CDC37: variants seen among roughly 807,000 people sequenced by gnomAD.
The protein encoded by CDC37 is hsp90 co-chaperone Cdc37.
CDC37 carries 9 observed loss-of-function variants against 46.9 expected under a neutral mutation model. That is an observed-to-expected ratio of 0.19 (90% CI 0.12 to 0.33). The LOEUF (loss-of-function observed/expected upper bound fraction) is 0.33, where lower values mean the gene tolerates loss of function less well. CDC37 is among the 10% of genes least tolerant of loss of function. The probability of loss-of-function intolerance (pLI) is 1.00; values close to 1 mark genes in which losing one functional copy is unlikely to be tolerated. For missense variants in CDC37, 388 were observed against 514.6 expected, an observed-to-expected ratio of 0.75 and a Z score of 2.38; for synonymous variants, 193 against 191.0, an observed-to-expected ratio of 1.01 and a Z score of -0.09.
intron 2 of CDC37, 118 bp downstream of exon 2, chr19:10,395,808 CCA>C: frequency 9.0e-7 from 1 of 1,113,476 alleles, no homozygotes; most frequent in Non-Finnish European, 1.3e-6. Flanking sequence ...CCGCCCCCCA[CCA>C]CACTCTTCAA....
intron 1 of CDC37, among the ~76,000 whole-genome samples, chr19:10,401,282 G>A (rs142332869): frequency 2.6e-5 from 4 of 152,320 alleles, no homozygotes; most frequent in Non-Finnish European, 4.4e-5. Context: ...GGTGGGGCTA[G>A]GATTGGAACC....
At position 10,391,405 on chromosome 19, in the gene CDC37, G is replaced by A. The variant is rs1274448148; in HGVS notation, c.*146C>T. Reference sequence around the variant, plus strand: ...CGCTGGAGAGTGGAGACAGTGGAGAGGCCAGGGAGGGCTGGGCGGGCCCCC... The same window carrying A: ...CGCTGGAGAGTGGAGACAGTGGAGAAGCCAGGGAGGGCTGGGCGGGCCCCC... On this transcript the variant is annotated 3_prime_UTR_variant, in exon 8 of 8. Transcript: ENST00000222005. The A allele has an allele frequency of 1.4e-5, 13 of 902,938 alleles. No individual in the cohort carries two copies. In the East Asian group the frequency reaches 2.2e-4, roughly 15 times the overall value. 55.9% of individuals were successfully genotyped at this position (902,938 alleles called of 1,614,324 possible).
rs558125046 is a variant in CDC37 at position 10,394,686 on chromosome 19, A to G, written c.726+335T>C. 3.5e-4 allele frequency among the ~76,000 whole-genome samples: 53 copies of G among 151,834 alleles called. No individual in the cohort carries two copies. The South Asian group carries it at 0.011, about 32-fold the overall frequency. Reference sequence around the variant, plus strand: ...CGAGTAGCTGGGATTACAGGCACACACCACCATGCCCGGCTAATTTTGTAT... The same window carrying G: ...CGAGTAGCTGGGATTACAGGCACACGCCACCATGCCCGGCTAATTTTGTAT... On this transcript the variant is annotated intron_variant, in intron 5 of 7. Transcript: ENST00000222005.
chr19:10,399,498 C>T (rs1166135417), intron 1 of CDC37, among the ~76,000 whole-genome samples: 2 of 143,674 alleles, frequency 1.4e-5, no homozygotes, highest in African/African-American at 5.1e-5. Context: ...AGCTATACCT[C>T]ATGAGATAAA....
At chr19:10,401,560 T>C (rs1176205698) in intron 1 of CDC37, among the ~76,000 whole-genome samples, 2 of 152,210 alleles carry the variant, frequency 1.3e-5, no homozygotes, top group African/African-American at 4.8e-5. Flanking sequence ...GAGGAAGTCT[T>C]AAATATTTCA....
At position 10,396,251 on chromosome 19, in the gene CDC37, ACCCCCG is replaced by A. The variant is rs2042491847; in HGVS notation, c.103-54_103-49del. The A allele has an allele frequency of 6.4e-7, 1 of 1,571,492 alleles. No individual in the cohort carries two copies. The highest frequency in any genetic ancestry group is 1.4e-5 in the African/African-American group (1 of 73,492). On this transcript the variant is annotated intron_variant, in intron 1 of 7. Transcript: ENST00000222005. This position sits in a 1 kb window ranked among gnomAD's most constrained non-coding sequence, Gnocchi z 5.9. ...AACTCTGGGGAGTCGTCTGTCCCTTACCCCCGCCCCATACCCAATCCCTGCACCGGA... is the reference window on the plus strand; with the variant it reads ...AACTCTGGGGAGTCGTCTGTCCCTTACCCCATACCCAATCCCTGCACCGGA...
chr19:10,395,904 G>GCAC, intron 2 of CDC37, 24 bp downstream of exon 2: 1 of 1,541,894 alleles, frequency 6.5e-7, no homozygotes, highest in Non-Finnish European at 8.9e-7. Flanking sequence ...CATGCGCACT[G>GCAC]CCCGCCCCGC....
chr19:10,397,917 T>C (rs2042500370), intron 1 of CDC37, among the ~76,000 whole-genome samples: 2 of 152,070 alleles, frequency 1.3e-5, no homozygotes, highest in Admixed American at 6.6e-5. Context: ...GGTCCCCGCC[T>C]CACTCCCTGT....
Position 10,395,489 on chromosome 19 carries a change from C to G in CDC37, c.433G>C (p.Glu145Gln), listed in dbSNP as rs143295429. The G allele has an allele frequency of 2.5e-6, 4 of 1,614,200 alleles. No homozygotes were observed. Among genetic ancestry groups the G allele is most frequent in the Non-Finnish European group, 3.4e-6 (4 of 1,180,004 alleles). Residue 145 changes from glutamate (E) to glutamine (Q), a missense_variant, in exon 3 of 8, where the codon GAG becomes CAG. Physicochemically the swap from Glu to Gln is conservative, Grantham distance 29. Transcript: ENST00000222005. ...KTEEDSEEVR[E>Q]QKHKTFVEKY... The stretch of plus-strand genomic sequence containing the variant: ...TCCACGAAGGTCTTGTGTTTCTGCT[C>G]CCTCACCTCCTCTGAGTCCTCCTCC...
In CDC37 at chr19:10,393,541, G is replaced by A. The variant is rs1353894346; in HGVS notation, c.727-100C>T. The stretch of plus-strand genomic sequence containing the variant: ...CCACAGCTCCTCAGAGGCGCCCCAC[G>A]GTTCCCCAAGTCTATTCCTGACCTA... On this transcript the variant is annotated intron_variant, in intron 5 of 7. Coordinates refer to ENST00000222005, the MANE Select transcript of CDC37 (RefSeq NM_007065.4). The surrounding 1 kb of genome is among the most constrained non-coding windows in gnomAD (Gnocchi z 4.9). 1.4e-5 allele frequency: 17 copies of A among 1,251,046 alleles called. No individual in the cohort carries two copies. Among genetic ancestry groups the A allele is most frequent in the Middle Eastern group, 2.8e-4 (1 of 3,526 alleles). The allele number at this position is 1,251,046 out of a possible 1,614,324, so 77.5% of individuals were successfully genotyped here.
intron 1 of CDC37, among the ~76,000 whole-genome samples, chr19:10,400,910 A>T (rs142869166): frequency 1.2e-4 from 18 of 152,316 alleles, no homozygotes; most frequent in African/African-American, 4.1e-4. Flanking sequence ...AAGGATTACA[A>T]ATATTAAATG....
chr19:10,395,649 T>G (rs775106584), intron 2 of CDC37, 106 bp from the exon 3 acceptor site: 1 of 971,088 alleles, frequency 1.0e-6, no homozygotes, highest in Admixed American at 1.8e-5. Flanking sequence ...ACGGCGGAGG[T>G]GGTGACGAAG....
At chr19:10,391,960 A>G (rs2042459451) in intron 7 of CDC37, among the ~76,000 whole-genome samples, 2 of 152,264 alleles carry the variant, frequency 1.3e-5, no homozygotes, top group South Asian at 4.2e-4. Context: ...GCCTGTCACC[A>G]TGCCTGGCTA....
At position 10,396,351 on chromosome 19, in the gene CDC37, A is replaced by G. The variant is rs766642004; in HGVS notation, c.103-148T>C. On this transcript the variant is annotated intron_variant, in intron 1 of 7. Transcript: ENST00000222005. The surrounding 1 kb of genome is among the most constrained non-coding windows in gnomAD (Gnocchi z 5.9). ...TCTCCCAGCTTCCGCCCCTGCGCCCACAGGTGCCAGCGCACACCCAAGTGG... is the reference window on the plus strand; with the variant it reads ...TCTCCCAGCTTCCGCCCCTGCGCCCGCAGGTGCCAGCGCACACCCAAGTGG... 2.2e-6 allele frequency: 2 copies of G among 925,198 alleles called. No individual in the cohort carries two copies. The highest frequency in any genetic ancestry group is 3.2e-6 in the Non-Finnish European group (2 of 626,434). The allele number at this position is 925,198 out of a possible 1,614,324, so 57.3% of individuals were successfully genotyped here. A position where few individuals can be genotyped will look rare whatever the true frequency, so the allele number is the denominator to read the frequency against.
chr19:10,402,157 CAAAAAAAAA>C (rs753021871), intron 1 of CDC37, among the ~76,000 whole-genome samples: 9 of 63,838 alleles, frequency 1.4e-4, no homozygotes, highest in African/African-American at 4.5e-4. Flanking sequence ...AACTTCGTCT[CAAAAAAAAA>C]AAAAAAAAAA....
At chr19:10,400,765 T>C (rs2042514650) in intron 1 of CDC37, 1 of 151,880 alleles carries the variant, frequency 6.6e-6, no homozygotes, top group African/African-American at 2.4e-5. Context: ...TGGGCTCAAA[T>C]GATCCTTCTG....
In CDC37 at chr19:10,395,294, G is replaced by T; in HGVS notation, c.537C>A (p.Val179=). The part of the protein sequence containing the change: ...DDSQKYLSDN[V]HLVCEETANY... ...TGGCTGTCTCCTCGCACACCAGGTG[G>T]ACGTTGTCTGACAGGTACTTTTGGC... is the stretch of plus-strand genomic sequence containing the variant. The change falls in exon 4 of 8, where the codon GTC becomes GTA. Residue 179 remains valine (V), a synonymous_variant. Coordinates refer to ENST00000222005, the MANE Select transcript of CDC37 (RefSeq NM_007065.4). 1 of 1,614,152 alleles carries T rather than the reference G, an allele frequency of 6.2e-7. No individual in the cohort carries two copies. The highest frequency in any genetic ancestry group is 2.2e-5 in the East Asian group (1 of 44,882).
chr19:10,403,525 G>A lies in CDC37; in HGVS notation c.-46C>T, dbSNP rs1448040008. On this transcript the variant is annotated 5_prime_UTR_variant, in exon 1 of 8. Coordinates refer to ENST00000222005, the MANE Select transcript of CDC37 (RefSeq NM_007065.4). The stretch of plus-strand genomic sequence containing the variant: ...CGCTCCGGCTCGGGTGGCGGCGACG[G>A]CGGCAGCAGTGGAGACTAGGAGCGC... 3.4e-6 allele frequency: 5 copies of A among 1,467,512 alleles called. No homozygotes were observed. Among genetic ancestry groups the A allele is most frequent in the African/African-American group, 1.4e-5 (1 of 72,264 alleles). The allele number at this position is 1,467,512 out of a possible 1,614,324, so 90.9% of individuals were successfully genotyped here.
In CDC37 at chr19:10,395,466, C is replaced by T; in HGVS notation, c.456G>A (p.Val152=). The change falls in exon 3 of 8, where the codon GTG becomes GTA. Residue 152 remains valine (V), a synonymous_variant. Coordinates refer to ENST00000222005, the MANE Select transcript of CDC37 (RefSeq NM_007065.4). ...EVREQKHKTF[V]EKYEKQIKHF... ...GCTTGATCTGTTTCTCGTATTTTTC[C>T]ACGAAGGTCTTGTGTTTCTGCTCCC... 1 of 1,614,178 alleles carries T rather than the reference C, an allele frequency of 6.2e-7. No individual in the cohort carries two copies. The highest frequency in any genetic ancestry group is 1.1e-5 in the South Asian group (1 of 91,084).
Sources: allele counts gnomAD v4.1 joint callset (sites outside exome capture counted in the v4.1 genomes callset), GRCh38; gene constraint gnomAD v4.1.1; non-coding constraint Gnocchi (gnomAD v3.1); transcripts MANE v1.5; gene names NCBI Gene and HGNC (gene_info 2026-07-23, HGNC 2026-07-21).